Variants in ADARB2 observed in about 807,000 individuals in gnomAD.
ADARB2 encodes the protein adenosine deaminase RNA specific B2 (inactive), also known as inactive double-stranded RNA-specific editase B2.
In ADARB2, 25 loss-of-function variants were observed where a neutral mutation model predicts 62.2. The observed-to-expected ratio is 0.40, with a 90% CI of 0.29 to 0.56. The LOEUF (loss-of-function observed/expected upper bound fraction) is 0.56, where lower values mean the gene tolerates loss of function less well. Ranked by LOEUF, ADARB2 falls within the 20% of genes least tolerant of loss-of-function variation. ADARB2 has a pLI of 0.43. For missense variants in ADARB2, 1,071 were observed against 1,077.4 expected, an observed-to-expected ratio of 0.99 and a Z score of 0.08; for synonymous variants, 572 against 500.8, an observed-to-expected ratio of 1.14 and a Z score of -1.90.
chr10:1,402,203 G>A (rs1056445837), intron 1 of ADARB2, among the ~76,000 whole-genome samples: 1 of 152,212 alleles, frequency 6.6e-6, no homozygotes, highest in Non-Finnish European at 1.5e-5. Context: ...CCAGGATGAG[G>A]GGTAGGGAAG....
At chr10:1,424,201 T>C (rs150353687) in intron 1 of ADARB2, among the ~76,000 whole-genome samples, 1 of 152,326 alleles carries the variant, frequency 6.6e-6, no homozygotes, top group South Asian at 2.1e-4. Flanking sequence ...ATTATGTATG[T>C]AGTAGGTCTG....
At chr10:1,203,920 G>A (rs1837017442) in intron 7 of ADARB2, among the ~76,000 whole-genome samples, 1 of 152,176 alleles carries the variant, frequency 6.6e-6, no homozygotes, top group South Asian at 2.1e-4. Context: ...GCTGGCTCTT[G>A]AACTCTGGGG....
intron 2 of ADARB2, among the ~76,000 whole-genome samples, chr10:1,367,265 G>A (rs535869342): frequency 6.6e-6 from 1 of 152,318 alleles, no homozygotes; most frequent in African/African-American, 2.4e-5. Context: ...TCCTGCCGAA[G>A]GCTCTGGGCT....
chr10:1,581,522 A>C lies in ADARB2; in HGVS notation c.100+155529T>G, dbSNP rs543061304. On this transcript the variant is annotated intron_variant, in intron 1 of 9. Coordinates refer to ENST00000381312, the MANE Select transcript of ADARB2 (RefSeq NM_018702.4). ...CTCCTTGTTAGCTGCCACCGTGACC[A>C]GGTAATGAGCCTGTACGTAAACCTG... 4.6e-5 allele frequency among the ~76,000 whole-genome samples: 7 copies of C among 152,346 alleles called. No homozygotes were observed. In the East Asian group the frequency reaches 1.4e-3, roughly 29 times the overall value.
chr10:1,259,396 C>A (rs576432233), intron 4 of ADARB2, among the ~76,000 whole-genome samples: 1 of 151,994 alleles, frequency 6.6e-6, no homozygotes, highest in Non-Finnish European at 1.5e-5. Context: ...ATTGATAGAC[C>A]TCTAGCAAGA....
intron 6 of ADARB2, among the ~76,000 whole-genome samples, chr10:1,229,528 T>C (rs997441344): frequency 2.0e-5 from 3 of 152,244 alleles, no homozygotes; most frequent in Non-Finnish European, 2.9e-5. Context: ...TTTTTTCTTA[T>C]GCCCTACTCT....
chr10:1,727,626 AT>A (rs1294917178), intron 1 of ADARB2, among the ~76,000 whole-genome samples: 2 of 152,222 alleles, frequency 1.3e-5, no homozygotes, highest in Non-Finnish European at 2.9e-5. Flanking sequence ...AAGAACTTTC[AT>A]TTGATATAAT....
chr10:1,720,876 G>A (rs1007202180), intron 1 of ADARB2, among the ~76,000 whole-genome samples: 13 of 152,164 alleles, frequency 8.5e-5, no homozygotes, highest in African/African-American at 1.9e-4. Flanking sequence ...ATGTCCTGGC[G>A]CCACTGGCTC....
chr10:1,305,617 C>T (rs1431504415), intron 3 of ADARB2, among the ~76,000 whole-genome samples: 2 of 151,846 alleles, frequency 1.3e-5, no homozygotes, highest in Non-Finnish European at 2.9e-5. Flanking sequence ...AATTTTAGAC[C>T]AATATCCTTG....
chr10:1,443,010 A>C (rs1268829401), intron 1 of ADARB2, among the ~76,000 whole-genome samples: 1 of 152,364 alleles, frequency 6.6e-6, no homozygotes, highest in East Asian at 1.9e-4. Flanking sequence ...AAACTACTTC[A>C]GCACAAAAGA....
intron 1 of ADARB2, among the ~76,000 whole-genome samples, chr10:1,536,975 A>G (rs565277772): frequency 6.6e-6 from 1 of 152,354 alleles, no homozygotes; most frequent in South Asian, 2.1e-4. Flanking sequence ...ATTGAATTAA[A>G]CTAAAGAGCT....
intron 1 of ADARB2, chr10:1,675,122 C>T (rs1445142932): frequency 2.0e-6 from 2 of 981,030 alleles, no homozygotes; most frequent in African/African-American, 1.8e-5. Flanking sequence ...TTGCGGGGTA[C>T]ATGGATGTTC....
chr10:1,495,140 T>C (rs1324408474), intron 1 of ADARB2, among the ~76,000 whole-genome samples: 1 of 152,226 alleles, frequency 6.6e-6, no homozygotes, highest in Middle Eastern at 3.2e-3. Context: ...AATTGCTTTT[T>C]ATCATAATTA....
intron 1 of ADARB2, among the ~76,000 whole-genome samples, chr10:1,591,936 G>A (rs1237945189): frequency 2.0e-5 from 3 of 152,172 alleles, no homozygotes; most frequent in Admixed American, 6.5e-5. Context: ...ACCTCCGGCC[G>A]GCATCCTTCA....
chr10:1,668,847 G>C (rs1307312010), intron 1 of ADARB2, among the ~76,000 whole-genome samples: 1 of 152,234 alleles, frequency 6.6e-6, no homozygotes, highest in East Asian at 1.9e-4. Flanking sequence ...GCTGCTCACA[G>C]GCTGCTTCTG....
At chr10:1,630,971 ACAAACAAAC>A (rs1310452893) in intron 1 of ADARB2, among the ~76,000 whole-genome samples, 3 of 151,522 alleles carry the variant, frequency 2.0e-5, no homozygotes, top group Non-Finnish European at 2.9e-5. Context: ...AAACAAACAA[ACAAACAAAC>A]AAACAAACAA....
chr10:1,402,435 G>C (rs935864735), intron 1 of ADARB2, among the ~76,000 whole-genome samples: 1 of 152,214 alleles, frequency 6.6e-6, no homozygotes, highest in Non-Finnish European at 1.5e-5. Flanking sequence ...AAAAAATGCT[G>C]TGTGGAATTG....
chr10:1,314,505 G>A (rs574476852), intron 3 of ADARB2, among the ~76,000 whole-genome samples: 1 of 152,012 alleles, frequency 6.6e-6, no homozygotes, highest in East Asian at 1.9e-4. Flanking sequence ...CCCTTCCACG[G>A]CCAGTGCCCC....
At chr10:1,318,745 C>A (rs1454217199) in intron 3 of ADARB2, among the ~76,000 whole-genome samples, 1 of 152,162 alleles carries the variant, frequency 6.6e-6, no homozygotes, top group South Asian at 2.1e-4. Context: ...GAAGGAATAT[C>A]GGGGAGTGTG....
Sources: gnomAD v4.1 joint callset for allele counts (sites outside exome capture counted in the v4.1 genomes callset) on GRCh38, gnomAD v4.1.1 for gene constraint, MANE v1.5 for transcripts, NCBI Gene and HGNC (gene_info 2026-07-23, HGNC 2026-07-21) for gene names.